Variants in BUD31 observed in about 807,000 individuals in gnomAD.
The protein encoded by BUD31 is protein BUD31 homolog.
A neutral mutation model predicts 17.9 loss-of-function variants in BUD31; 9 were observed. The ratio of observed to expected loss-of-function variants is 0.50; its 90% confidence interval spans 0.30 to 0.88. BUD31 has a LOEUF of 0.88. Among genes scored for constraint, BUD31 ranks in the 40% least tolerant of loss-of-function variants. BUD31 has a pLI of 0.06. For missense variants in BUD31, 148 were observed against 184.5 expected (o/e 0.80, Z 1.15); for synonymous variants, 70 against 64.7 (o/e 1.08, Z -0.39).
intron 2 of BUD31, among the ~76,000 whole-genome samples, chr7:99,410,702 A>G (rs1277485505): frequency 2.6e-5 from 4 of 152,214 alleles, no homozygotes; most frequent in Non-Finnish European, 5.9e-5. Flanking sequence ...AACATCCAGT[A>G]TAGGGTTAAG....
chr7:99,415,399 A>G (rs1188344970), intron 3 of BUD31: 2 of 401,790 alleles, frequency 5.0e-6, no homozygotes, highest in East Asian at 7.2e-5. Flanking sequence ...CTAATTTGCT[A>G]TTGTTATCTA....
At chr7:99,414,407 G>A (rs1468191400) in intron 3 of BUD31, among the ~76,000 whole-genome samples, 2 of 152,066 alleles carry the variant, frequency 1.3e-5, no homozygotes, top group South Asian at 2.1e-4. Context: ...CAAAATGCCC[G>A]GCGGCTTATT....
chr7:99,419,434 C>G lies in BUD31; in HGVS notation c.428C>G (p.Ser143Cys). ...ACACACTGTGGCTGTCGTGGCTGCT[C>G]TGGCTGAGGCTGGCGCGCTCCACCC... ...ECTHCGCRGCSG is the reference protein window; with the variant it reads ...ECTHCGCRGCCG The change falls in exon 6 of 6, where the codon TCT becomes TGT. Residue 143 changes from serine to cysteine, a missense_variant. Coordinates refer to ENST00000222969, the MANE Select transcript of BUD31 (RefSeq NM_003910.4). The G allele has an allele frequency of 6.2e-7, 1 of 1,611,840 alleles. No individual in the cohort carries two copies. Among genetic ancestry groups the G allele is most frequent in the Non-Finnish European group, 8.5e-7 (1 of 1,180,004 alleles).
intron 5 of BUD31, 111 bp from the exon 6 acceptor site, chr7:99,419,277 TGTG>T: frequency 7.7e-7 from 1 of 1,298,742 alleles, no homozygotes; most frequent in Non-Finnish European, 1.1e-6. Flanking sequence ...GTTTCTGAGG[TGTG>T]TCCCTATATG....
Position 99,410,989 on chromosome 7 carries a change from C to G in BUD31, c.-29-75C>G, listed in dbSNP as rs114423918. On this transcript the variant is annotated intron_variant, in intron 2 of 5. Transcript: ENST00000222969. ...CCCTATGCTGACTCAAGGAAGTCAG[C>G]CTGTACCGAAATAATGGCTGGCAAA... 5,454 of 939,700 alleles carry G rather than the reference C, an allele frequency of 5.8e-3. 207 individuals are homozygous for G. The African/African-American group carries it at 0.077, about 13-fold the overall frequency. 58.2% of individuals were successfully genotyped at this position (939,700 alleles called of 1,614,324 possible).
intron 3 of BUD31, among the ~76,000 whole-genome samples, chr7:99,415,581 G>A (rs1007908671): frequency 7.2e-5 from 11 of 151,804 alleles, no homozygotes; most frequent in Admixed American, 1.3e-4. Context: ...AAACTCCCCC[G>A]GGGAAAGGGA....
chr7:99,415,666 T>G (rs1396067659), intron 3 of BUD31, among the ~76,000 whole-genome samples: 2 of 150,566 alleles, frequency 1.3e-5, no homozygotes, highest in African/African-American at 4.9e-5. Context: ...CAAGGTCCGC[T>G]TGGCAACGGG....
chr7:99,417,252 C>G (rs1795541980), intron 4 of BUD31, 177 bp from the exon 5 acceptor site: 1 of 571,322 alleles, frequency 1.8e-6, no homozygotes. Context: ...GGGGTTTTAC[C>G]ATGTTGGCCG....
Position 99,417,510 on chromosome 7 carries a change from T to C in BUD31, c.299T>C (p.Leu100Ser). The change falls in exon 5 of 6, where the codon TTG becomes TCG. Residue 100 changes from leucine (L) to serine (S), a missense_variant. Physicochemically the swap from Leu to Ser is moderately radical, Grantham distance 145 (BLOSUM62 -2). Coordinates refer to ENST00000222969, the MANE Select transcript of BUD31 (RefSeq NM_003910.4). ...AKWKKQGYEN[L>S]CCLRCIQTRD... ...TGGAAAAAGCAAGGATATGAGAACT[T>C]GTGCTGCCTGCGGTGCATTCAGACA... is the stretch of plus-strand genomic sequence containing the variant. 6.2e-7 allele frequency: 1 copy of C among 1,611,616 alleles called. No individual in the cohort carries two copies. The highest frequency in any genetic ancestry group is 8.5e-7 in the Non-Finnish European group (1 of 1,178,306).
At chr7:99,416,321 AC>A (rs1795455210) in intron 4 of BUD31, 61 bp downstream of exon 4, 8 of 1,563,756 alleles carry the variant, frequency 5.1e-6, no homozygotes, top group Non-Finnish European at 7.0e-6. Context: ...TACTGAACTA[AC>A]CACAATCCTT....
intron 5 of BUD31, chr7:99,417,816 T>C: frequency 6.7e-7 from 1 of 1,497,168 alleles, no homozygotes; most frequent in Non-Finnish European, 8.9e-7. Context: ...CAACTCCACT[T>C]TTGGGCAAAT....
At chr7:99,413,101 CAT>C (rs1441727371) in intron 3 of BUD31, among the ~76,000 whole-genome samples, 6 of 152,182 alleles carry the variant, frequency 3.9e-5, no homozygotes, top group East Asian at 1.9e-4. Context: ...CACGTCTTAA[CAT>C]GTGTACCTGC....
At chr7:99,409,773 G>GGA (rs1554353390) in intron 1 of BUD31, among the ~76,000 whole-genome samples, 2 of 132,974 alleles carry the variant, frequency 1.5e-5, no homozygotes, top group African/African-American at 5.6e-5. Flanking sequence ...TGTGGGCGGG[G>GGA]GGGGGGTGGG....
At chr7:99,413,531 C>T (rs1055519969) in intron 3 of BUD31, among the ~76,000 whole-genome samples, 2 of 152,184 alleles carry the variant, frequency 1.3e-5, no homozygotes, top group Non-Finnish European at 2.9e-5. Flanking sequence ...TTAATTATTA[C>T]GCTGTAGAAA....
intron 3 of BUD31, among the ~76,000 whole-genome samples, chr7:99,413,627 T>C (rs528766575): frequency 1.1e-4 from 17 of 152,326 alleles, no homozygotes; most frequent in Admixed American, 5.9e-4. Context: ...CAGGGTCATC[T>C]GTCATCCAGG....
chr7:99,411,372 G>T, intron 3 of BUD31, 186 bp downstream of exon 3: 1 of 540,472 alleles, frequency 1.9e-6, no homozygotes, highest in Non-Finnish European at 3.3e-6. Context: ...TAATGAAAAG[G>T]TCCTCAGAAA....
rs760055097 is a variant in BUD31 at position 99,411,049 on chromosome 7, AT to A, written c.-29-8del. ...GGATTTGAGACTCAGAAACCAATTCATTTTTTTCCCCCAGATCTTTGCAGAT... is the reference window on the plus strand; with the variant it reads ...GGATTTGAGACTCAGAAACCAATTCATTTTTTCCCCCAGATCTTTGCAGAT... On this transcript the variant is annotated splice_polypyrimidine_tract_variant and intron_variant, in intron 2 of 5. Transcript: ENST00000222969. 40 of 1,554,352 alleles carry A rather than the reference AT, an allele frequency of 2.6e-5. No homozygotes were observed. Among genetic ancestry groups the A allele is most frequent in the East Asian group, 1.8e-4 (8 of 44,490 alleles).
At chr7:99,412,157 C>T (rs1795216682) in intron 3 of BUD31, among the ~76,000 whole-genome samples, 2 of 152,174 alleles carry the variant, frequency 1.3e-5, no homozygotes, top group African/African-American at 4.8e-5. Context: ...TACCAGATAA[C>T]TTCTATTAAA....
chr7:99,413,784 G>C (rs1405605220), intron 3 of BUD31, among the ~76,000 whole-genome samples: 1 of 152,168 alleles, frequency 6.6e-6, no homozygotes, highest in Non-Finnish European at 1.5e-5. Flanking sequence ...TAGAGACAGT[G>C]TTTTGCCCTG....
Sources: allele counts gnomAD v4.1 joint callset (sites outside exome capture counted in the v4.1 genomes callset), GRCh38; gene constraint gnomAD v4.1.1; transcripts MANE v1.5; gene names NCBI Gene and HGNC (gene_info 2026-07-23, HGNC 2026-07-21).